Variants in IDE observed in about 807,000 individuals in gnomAD.
IDE encodes the protein insulin degrading enzyme.
IDE carries 58 observed loss-of-function variants against 133.2 expected under a neutral mutation model. That is an observed-to-expected ratio of 0.44 (90% CI 0.35 to 0.54). The LOEUF (loss-of-function observed/expected upper bound fraction) is 0.54, where lower values mean the gene tolerates loss of function less well. IDE is among the 20% of genes least tolerant of loss of function. The pLI is 0.00. For synonymous variants in IDE, 396 were observed against 421.3 expected, an observed-to-expected ratio of 0.94 and a Z score of 0.73; for missense variants, 981 against 1,234.0, an observed-to-expected ratio of 0.79 and a Z score of 3.07.
intron 1 of IDE, among the ~76,000 whole-genome samples, chr10:92,555,483 A>C (rs1362616975): frequency 6.6e-6 from 1 of 150,838 alleles, no homozygotes; most frequent in East Asian, 1.9e-4. Flanking sequence ...GGCAACAAGA[A>C]AAAAACTTTG....
chr10:92,467,564 T>C (rs1035880513), intron 19 of IDE, among the ~76,000 whole-genome samples: 24 of 152,128 alleles, frequency 1.6e-4, no homozygotes. Context: ...GCAAAAGAGA[T>C]TAAGATCCTA....
intron 11 of IDE, chr10:92,497,686 A>C (rs1362785384): frequency 4.1e-6 from 4 of 979,894 alleles, no homozygotes; most frequent in Non-Finnish European, 4.8e-6. Flanking sequence ...GAGCCACCCT[A>C]GTCTGGTCTG....
intron 11 of IDE, among the ~76,000 whole-genome samples, chr10:92,493,705 C>T (rs1002134185): frequency 1.3e-5 from 2 of 152,002 alleles, no homozygotes; most frequent in Admixed American, 6.6e-5. Flanking sequence ...TATAAGGAAA[C>T]AGACAAGCAC....
At chr10:92,502,055 TC>T (rs1848054353) in intron 11 of IDE, among the ~76,000 whole-genome samples, 1 of 151,956 alleles carries the variant, frequency 6.6e-6, no homozygotes, top group Non-Finnish European at 1.5e-5. Context: ...ACGCAGGAGA[TC>T]ACTTAAGCCC....
intron 4 of IDE, among the ~76,000 whole-genome samples, chr10:92,516,115 G>A (rs1179242096): frequency 6.6e-6 from 1 of 151,230 alleles, no homozygotes; most frequent in Admixed American, 6.6e-5. Flanking sequence ...GTTGCGGTGA[G>A]CCGAAATCAC....
At chr10:92,495,883 T>G (rs1382264445) in intron 11 of IDE, among the ~76,000 whole-genome samples, 2 of 138,092 alleles carry the variant, frequency 1.4e-5, no homozygotes, top group South Asian at 2.2e-4. Flanking sequence ...TTTTTAAGTG[T>G]TTTTTTTTTT....
At chr10:92,570,510 T>A (rs1378898503) in intron 1 of IDE, among the ~76,000 whole-genome samples, 1 of 152,188 alleles carries the variant, frequency 6.6e-6, no homozygotes, top group African/African-American at 2.4e-5. Flanking sequence ...TCTACCCCTG[T>A]GGAGGGAAAG....
At chr10:92,465,542 T>C in intron 20 of IDE, 134 bp downstream of exon 20, 1 of 734,380 alleles carries the variant, frequency 1.4e-6, no homozygotes, top group Non-Finnish European at 2.3e-6. Context: ...TTCTCTGTAA[T>C]AAGGTTTTCT....
Position 92,510,182 on chromosome 10 carries a change from G to T in IDE, c.785-20C>A. Reference sequence around the variant, plus strand: ...AAGATTCTACAAGAAAACAGACAAGGAAAACAGAACTTAAGCGAATCATAA... The same window carrying T: ...AAGATTCTACAAGAAAACAGACAAGTAAAACAGAACTTAAGCGAATCATAA... On this transcript the variant is annotated intron_variant, in intron 5 of 24. Coordinates refer to ENST00000265986, the MANE Select transcript of IDE (RefSeq NM_004969.4). The T allele has an allele frequency of 7.8e-7, 1 of 1,277,308 alleles. No homozygotes were observed. Among genetic ancestry groups the T allele is most frequent in the East Asian group, 2.3e-5 (1 of 42,988 alleles). The allele number at this position is 1,277,308 out of a possible 1,614,324, so 79.1% of individuals were successfully genotyped here.
chr10:92,547,315 C>T (rs1384872692), intron 1 of IDE, among the ~76,000 whole-genome samples: 1 of 151,590 alleles, frequency 6.6e-6, no homozygotes, highest in Non-Finnish European at 1.5e-5. Context: ...AACTCCTGGG[C>T]TCAAGCAATC....
At chr10:92,524,367 A>ATT (rs1442389716) in intron 4 of IDE, among the ~76,000 whole-genome samples, 1 of 34,414 alleles carries the variant, frequency 2.9e-5, no homozygotes, top group Non-Finnish European at 4.7e-5. Context: ...TTTATATTAT[A>ATT]ATATATATTA....
At chr10:92,470,385 AG>A (rs1410726191) in intron 17 of IDE, 40 bp from the exon 18 acceptor site, 3 of 1,350,680 alleles carry the variant, frequency 2.2e-6, no homozygotes, top group African/African-American at 2.9e-5. Context: ...GCTACCTATG[AG>A]GGATTTTTTG....
intron 4 of IDE, among the ~76,000 whole-genome samples, chr10:92,522,704 TC>T (rs1564645946): frequency 6.6e-6 from 1 of 152,142 alleles, no homozygotes; most frequent in Non-Finnish European, 1.5e-5. Context: ...AGATCCTGAC[TC>T]CAGCACTTAA....
chr10:92,508,000 G>T, intron 8 of IDE, 113 bp downstream of exon 8: 1 of 772,238 alleles, frequency 1.3e-6, no homozygotes, highest in South Asian at 1.7e-5. Context: ...TAAGTTGTAT[G>T]AATTAAAGTG....
chr10:92,499,445 T>C (rs1008591239), intron 11 of IDE, among the ~76,000 whole-genome samples: 1 of 152,046 alleles, frequency 6.6e-6, no homozygotes, highest in East Asian at 1.9e-4. Context: ...GCACCCAGCC[T>C]TCTTTAAGAC....
At chr10:92,469,686 G>A (rs935868880) in intron 18 of IDE, among the ~76,000 whole-genome samples, 5 of 152,186 alleles carry the variant, frequency 3.3e-5, no homozygotes, top group Non-Finnish European at 4.4e-5. Context: ...AAAGTACTGA[G>A]ATGATAGGCG....
intron 14 of IDE, among the ~76,000 whole-genome samples, chr10:92,480,267 A>G (rs1846525473): frequency 6.6e-6 from 1 of 152,194 alleles, no homozygotes; most frequent in Admixed American, 6.5e-5. Context: ...TAAAGGTCTC[A>G]CTCATTCAAC....
chr10:92,491,488 G>C (rs762539507), intron 11 of IDE, among the ~76,000 whole-genome samples: 9 of 152,064 alleles, frequency 5.9e-5, no homozygotes, highest in Non-Finnish European at 1.3e-4. Flanking sequence ...GGGGAGAAAG[G>C]GACAAGACCA....
At chr10:92,552,367 G>C (rs1016663116) in intron 1 of IDE, among the ~76,000 whole-genome samples, 3 of 152,188 alleles carry the variant, frequency 2.0e-5, no homozygotes, top group Non-Finnish European at 2.9e-5. Context: ...AGAAATGGGA[G>C]AAGGCTACAA....
Sources: gnomAD v4.1 joint callset for allele counts (sites outside exome capture counted in the v4.1 genomes callset) on GRCh38, gnomAD v4.1.1 for gene constraint, MANE v1.5 for transcripts, NCBI Gene and HGNC (gene_info 2026-07-23, HGNC 2026-07-21) for gene names.